The following CLSTN2 variants were observed in gnomAD, a reference collection of about 807,000 sequenced individuals.
The protein encoded by CLSTN2 is calsyntenin-2.
In CLSTN2, 48 loss-of-function variants were observed where a neutral mutation model predicts 101.2. The ratio of observed to expected loss-of-function variants is 0.47; its 90% CI spans 0.38 to 0.60. CLSTN2 has a LOEUF of 0.60. Among genes scored for constraint, CLSTN2 ranks in the 20% least tolerant of loss-of-function variants. The pLI is 0.00. For missense variants in CLSTN2, 1,160 were observed against 1,238.2 expected (o/e 0.94, Z 0.95); for synonymous variants, 481 against 463.6 (o/e 1.04, Z -0.48).
intron 1 of CLSTN2, among the ~76,000 whole-genome samples, chr3:139,971,989 C>T (rs1288784714): frequency 3.3e-5 from 5 of 152,074 alleles, no homozygotes; most frequent in East Asian, 1.9e-4. Flanking sequence ...TTGAGCCAGG[C>T]GTGGTGGCTC....
chr3:140,348,259 G>A (rs1360805167), intron 2 of CLSTN2, among the ~76,000 whole-genome samples: 1 of 152,172 alleles, frequency 6.6e-6, no homozygotes, highest in Non-Finnish European at 1.5e-5. Context: ...AAGCTTGGAT[G>A]AGCTGAATTC....
intron 10 of CLSTN2, among the ~76,000 whole-genome samples, chr3:140,554,015 C>T (rs1207428905): frequency 6.6e-6 from 1 of 152,140 alleles, no homozygotes; most frequent in East Asian, 1.9e-4. Flanking sequence ...GCTTTCAGAA[C>T]ACTAAGGCTA....
rs757061676 is a variant in CLSTN2 at position 140,403,805 on chromosome 3, G to A, written c.409G>A (p.Ala137Thr). ...YDCGAGPHETAWKKSHKAVVH... is the reference protein window; with the variant it reads ...YDCGAGPHETTWKKSHKAVVH... ...CTGTGGTGCTGGGCCCCACGAGACA[G>A]CCTGGAAAAAGTCACACAAGTGAGT... Residue 137 changes from alanine (A) to threonine (T), a missense_variant, in exon 3 of 17, where the codon GCC (alanine) becomes ACC (threonine). Transcript: ENST00000458420. 3.7e-6 allele frequency: 6 copies of A among 1,611,144 alleles called. No individual in the cohort carries two copies. The highest frequency in any genetic ancestry group is 5.1e-6 in the Non-Finnish European group (6 of 1,178,160).
chr3:140,490,596 GAAAAAAAA>G (rs71149081), intron 8 of CLSTN2, among the ~76,000 whole-genome samples: 1 of 90,116 alleles, frequency 1.1e-5, no homozygotes, highest in Non-Finnish European at 2.1e-5. Context: ...CCTTGTCTCA[GAAAAAAAA>G]AAAAAAAAAA....
intron 2 of CLSTN2, among the ~76,000 whole-genome samples, chr3:140,311,859 A>G (rs1317398229): frequency 2.0e-5 from 3 of 152,152 alleles, no homozygotes; most frequent in African/African-American, 7.2e-5. Context: ...ATGGAGGAAC[A>G]AACTTTTGCT....
intron 10 of CLSTN2, among the ~76,000 whole-genome samples, chr3:140,554,641 C>T (rs1011620021): frequency 2.0e-5 from 3 of 152,198 alleles, no homozygotes; most frequent in African/African-American, 7.2e-5. Context: ...TACTCTTTGA[C>T]CTAGCAATTT....
chr3:140,439,191 A>C (rs965882773), intron 5 of CLSTN2, among the ~76,000 whole-genome samples: 15 of 152,358 alleles, frequency 9.8e-5, no homozygotes, highest in African/African-American at 3.4e-4. Context: ...GTGGTGTCTC[A>C]GAGGCCTGAG....
At chr3:140,235,395 A>C (rs1433523166) in intron 2 of CLSTN2, among the ~76,000 whole-genome samples, 1 of 152,158 alleles carries the variant, frequency 6.6e-6, no homozygotes, top group Non-Finnish European at 1.5e-5. Flanking sequence ...ATGGCAGTAG[A>C]GGATACCTTG....
intron 1 of CLSTN2, among the ~76,000 whole-genome samples, chr3:139,962,790 T>G (rs1289580918): frequency 6.6e-6 from 1 of 152,200 alleles, no homozygotes; most frequent in Non-Finnish European, 1.5e-5. Flanking sequence ...TGTTTCTCCA[T>G]TCAGCTGATG....
intron 10 of CLSTN2, among the ~76,000 whole-genome samples, chr3:140,556,213 G>T (rs1257532753): frequency 6.6e-6 from 1 of 152,164 alleles, no homozygotes; most frequent in Non-Finnish European, 1.5e-5. Flanking sequence ...TTCGCCAAGG[G>T]CTGGGCTGTG....
chr3:140,251,972 T>C (rs929055083), intron 2 of CLSTN2, among the ~76,000 whole-genome samples: 2 of 152,022 alleles, frequency 1.3e-5, no homozygotes, highest in Admixed American at 6.6e-5. Context: ...GCAGCTGCAG[T>C]GGGGAGACAG....
At chr3:140,283,024 G>C (rs574341856) in intron 2 of CLSTN2, among the ~76,000 whole-genome samples, 1 of 152,224 alleles carries the variant, frequency 6.6e-6, no homozygotes, top group South Asian at 2.1e-4. Context: ...TCCAGGGGCT[G>C]CTCATGGAGC....
At chr3:140,195,092 A>G (rs781103800) in intron 2 of CLSTN2, among the ~76,000 whole-genome samples, 1 of 152,134 alleles carries the variant, frequency 6.6e-6, no homozygotes, top group Non-Finnish European at 1.5e-5. Flanking sequence ...TTACAGCCCC[A>G]TGAGTGTGGA....
chr3:140,098,909 A>G (rs1356182354), intron 1 of CLSTN2, among the ~76,000 whole-genome samples: 1 of 152,210 alleles, frequency 6.6e-6, no homozygotes, highest in Non-Finnish European at 1.5e-5. Flanking sequence ...GACACTGTCC[A>G]GGCCAGATCA....
In CLSTN2 at chr3:139,947,583, G is replaced by A. The variant is rs565671259; in HGVS notation, c.109+12100G>A. 8.5e-5 allele frequency among the ~76,000 whole-genome samples: 13 copies of A among 152,182 alleles called. No homozygotes were observed. In the South Asian group the frequency reaches 2.7e-3, roughly 32 times the overall value. On this transcript the variant is annotated intron_variant, in intron 1 of 16. Transcript: ENST00000458420. Reference sequence around the variant, plus strand: ...GGAGAATGGACCATCATTTGGAGTAGGAAAGAAAGCTAAAATTACTCACAA... The same window carrying A: ...GGAGAATGGACCATCATTTGGAGTAAGAAAGAAAGCTAAAATTACTCACAA...
intron 2 of CLSTN2, among the ~76,000 whole-genome samples, chr3:140,393,307 A>G (rs958962942): frequency 4.6e-5 from 7 of 152,300 alleles, no homozygotes. Flanking sequence ...TGTCAGCATG[A>G]TTTGCACCAA....
chr3:140,047,393 T>C (rs2007902485), intron 1 of CLSTN2, among the ~76,000 whole-genome samples: 1 of 152,216 alleles, frequency 6.6e-6, no homozygotes, highest in African/African-American at 2.4e-5. Context: ...GTGTCTTAAC[T>C]ATCTGTGTTG....
intron 2 of CLSTN2, among the ~76,000 whole-genome samples, chr3:140,193,261 G>GTTTT (rs367933711): frequency 3.2e-4 from 28 of 87,400 alleles, no homozygotes; most frequent in African/African-American, 9.8e-4. Context: ...CTTTTTTATA[G>GTTTT]TTTTTTTTTT....
intron 1 of CLSTN2, among the ~76,000 whole-genome samples, chr3:140,094,460 G>T (rs2008834346): frequency 6.6e-6 from 1 of 151,900 alleles, no homozygotes; most frequent in Non-Finnish European, 1.5e-5. Context: ...ATTTTCCTGG[G>T]GCTGGCTGAT....
Sources: allele counts gnomAD v4.1 joint callset (sites outside exome capture counted in the v4.1 genomes callset), GRCh38; gene constraint gnomAD v4.1.1; transcripts MANE v1.5; gene names NCBI Gene and HGNC (gene_info 2026-07-23, HGNC 2026-07-21).